VPS13C: variants seen among roughly 807,000 people sequenced by gnomAD.
The protein encoded by VPS13C is intermembrane lipid transfer protein VPS13C.
VPS13C carries 358 observed loss-of-function variants against 456.8 expected under a neutral mutation model. The ratio of observed to expected loss-of-function variants is 0.78; its 90% confidence interval spans 0.72 to 0.86. The LOEUF (loss-of-function observed/expected upper bound fraction) is 0.86, where lower values mean the gene tolerates loss of function less well. VPS13C is among the 40% of genes least tolerant of loss of function. The pLI is 0.00. For synonymous variants in VPS13C, 1,578 were observed against 1,486.7 expected (o/e 1.06, Z -1.41); for missense variants, 4,818 against 4,385.4 (o/e 1.10, Z -2.79).
chr15:61,878,571 C>T (rs376045810), intron 74 of VPS13C, 36 bp downstream of exon 74: 14 of 1,596,616 alleles, frequency 8.8e-6, no homozygotes, highest in East Asian at 2.3e-5. Context: ...GACCTTGGTA[C>T]ACCTGCTTCT....
chr15:61,991,010 A>G lies in VPS13C; in HGVS notation c.1568T>C (p.Leu523Ser), dbSNP rs768620797. ...CACTTAAATAATTACCTGCTTAGGT[A>G]AAGTTAGGTTGTGGGTACTCTCACT... ...GYSESTHNLT[L>S]PKQYVAHIMT... The change falls in exon 18 of 85, where the codon TTA becomes TCA. Residue 523 changes from leucine (L) to serine (S), a missense_variant. Transcript: ENST00000644861. The G allele has an allele frequency of 6.2e-7, 1 of 1,610,958 alleles. No individual in the cohort carries two copies. Among genetic ancestry groups the G allele is most frequent in the South Asian group, 1.1e-5 (1 of 90,528 alleles).
chr15:61,879,951 T>C (rs1895726704), intron 73 of VPS13C, among the ~76,000 whole-genome samples: 1 of 152,126 alleles, frequency 6.6e-6, no homozygotes, highest in Admixed American at 6.6e-5. Context: ...AAACAGTTTT[T>C]GAGAATGTAA....
chr15:61,927,143 T>C lies in VPS13C; in HGVS notation c.6464A>G (p.Lys2155Arg). Residue 2155 changes from lysine to arginine, a missense_variant, in exon 52 of 85, where the codon AAA (lysine) becomes AGA (arginine). This residue lies in a region of VPS13C where 4,552 missense variants were observed against 4,130.6 expected (regional missense o/e 1.10). Coordinates refer to ENST00000644861, the MANE Select transcript of VPS13C (RefSeq NM_020821.3). ...QMMEASVRDL[K>R]VLACPFLREK... Reference sequence around the variant, plus strand: ...TCTGAGAAAAGGGCAAGCGAGCACTTTCAGATCTCTCACAGAAGCTTCCAT... The same window carrying C: ...TCTGAGAAAAGGGCAAGCGAGCACTCTCAGATCTCTCACAGAAGCTTCCAT... 1 of 1,614,208 alleles carries C rather than the reference T, an allele frequency of 6.2e-7. No individual in the cohort carries two copies. Among genetic ancestry groups the C allele is most frequent in the Non-Finnish European group, 8.5e-7 (1 of 1,180,026 alleles).
At chr15:61,944,748 C>A (rs1050473931) in intron 45 of VPS13C, among the ~76,000 whole-genome samples, 1 of 152,052 alleles carries the variant, frequency 6.6e-6, no homozygotes, top group African/African-American at 2.4e-5. Flanking sequence ...AGCAAGCCTG[C>A]CCATGTATGC....
intron 20 of VPS13C, among the ~76,000 whole-genome samples, chr15:61,982,879 A>G (rs111578686): frequency 6.6e-6 from 1 of 152,202 alleles, no homozygotes; most frequent in Non-Finnish European, 1.5e-5. Flanking sequence ...CAGAAGATGA[A>G]ACAGTACTTC....
At chr15:61,972,274 A>G (rs372321553) in intron 27 of VPS13C, among the ~76,000 whole-genome samples, 2 of 152,214 alleles carry the variant, frequency 1.3e-5, no homozygotes, top group African/African-American at 4.8e-5. Flanking sequence ...ATAATGAGCA[A>G]TATTATTTAG....
In VPS13C at chr15:61,969,463, T is replaced by C. The variant is rs1295470596; in HGVS notation, c.2758-11A>G. Reference sequence around the variant, plus strand: ...AAATTCCAAAATCACCTAAAAGAATTAGAGTCAATGAAAAGTTGATAAGAA... The same window carrying C: ...AAATTCCAAAATCACCTAAAAGAATCAGAGTCAATGAAAAGTTGATAAGAA... On this transcript the variant is annotated splice_polypyrimidine_tract_variant and intron_variant, in intron 27 of 84. Coordinates refer to ENST00000644861, the MANE Select transcript of VPS13C (RefSeq NM_020821.3). 3.3e-6 allele frequency: 5 copies of C among 1,495,140 alleles called. No individual in the cohort carries two copies. Among genetic ancestry groups the C allele is most frequent in the Non-Finnish European group, 4.5e-6 (5 of 1,115,504 alleles). The allele number at this position is 1,495,140 out of a possible 1,614,324, so 92.6% of individuals were successfully genotyped here. A position where few individuals can be genotyped will look rare whatever the true frequency, so the allele number is the denominator to read the frequency against.
chr15:62,034,331 A>G (rs2047914233), intron 4 of VPS13C, among the ~76,000 whole-genome samples: 1 of 151,728 alleles, frequency 6.6e-6, no homozygotes, highest in South Asian at 2.1e-4. Flanking sequence ...AGCAAAATGT[A>G]AAAATAAAAA....
intron 3 of VPS13C, among the ~76,000 whole-genome samples, chr15:62,038,576 G>A (rs1231988158): frequency 6.6e-6 from 1 of 152,120 alleles, no homozygotes; most frequent in Non-Finnish European, 1.5e-5. Context: ...AACAGAGCAA[G>A]ACTTTGTCTC....
chr15:61,861,412 A>G (rs8035017), intron 82 of VPS13C, among the ~76,000 whole-genome samples: 1,620 of 152,306 alleles, frequency 0.011, 35 homozygotes, highest in African/African-American at 0.037. Flanking sequence ...TTTTCTTACT[A>G]TAAGGGCAAA....
At chr15:61,894,961 T>C (rs536759941) in intron 66 of VPS13C, among the ~76,000 whole-genome samples, 1 of 152,308 alleles carries the variant, frequency 6.6e-6, no homozygotes, top group Admixed American at 6.5e-5. Flanking sequence ...ACATGGCCCA[T>C]ATGGTAGGCC....
intron 24 of VPS13C, among the ~76,000 whole-genome samples, chr15:61,976,119 T>C (rs943568641): frequency 6.6e-6 from 1 of 152,094 alleles, no homozygotes; most frequent in African/African-American, 2.4e-5. Context: ...TGTGTCATCA[T>C]GTTGACTCTC....
chr15:61,895,828 G>A (rs2042792607), intron 66 of VPS13C, among the ~76,000 whole-genome samples: 1 of 152,106 alleles, frequency 6.6e-6, no homozygotes, highest in Admixed American at 6.5e-5. Flanking sequence ...GGCGGATAGG[G>A]AAAGATTTCT....
Position 61,961,778 on chromosome 15 carries a change from G to A in VPS13C, c.3719C>T (p.Ser1240Phe), listed in dbSNP as rs746292488. The A allele has an allele frequency of 9.3e-6, 15 of 1,613,926 alleles. No individual in the cohort carries two copies. Among genetic ancestry groups the A allele is most frequent in the African/African-American group, 2.7e-5 (2 of 74,900 alleles). Reference sequence around the variant, plus strand: ...CGGTGCTTTCAAATCAATATTGATGGAAACACGAAAACTCCTCTGGGCAAG... The same window carrying A: ...CGGTGCTTTCAAATCAATATTGATGAAAACACGAAAACTCCTCTGGGCAAG... ...KDLAQRSFRV[S>F]INIDLKAPVI... The change falls in exon 35 of 85, where the codon TCC becomes TTC. Residue 1240 changes from serine to phenylalanine, a missense_variant. Ser to Phe is a radical substitution (Grantham distance 155). Coordinates refer to ENST00000644861, the MANE Select transcript of VPS13C (RefSeq NM_020821.3).
intron 31 of VPS13C, 104 bp downstream of exon 31, chr15:61,964,595 A>G: frequency 9.0e-7 from 1 of 1,109,146 alleles, no homozygotes; most frequent in Non-Finnish European, 1.3e-6. Flanking sequence ...GAAAAGGGGA[A>G]AATGGTATTT....
chr15:62,023,952 A>T (rs1156653178), intron 6 of VPS13C, 107 bp from the exon 7 acceptor site: 1 of 861,492 alleles, frequency 1.2e-6, no homozygotes, highest in Non-Finnish European at 1.8e-6. Context: ...ATTTTGGCAC[A>T]ACTCACCTTA....
At chr15:62,014,239 G>C (rs569140378) in intron 9 of VPS13C, among the ~76,000 whole-genome samples, 8 of 152,156 alleles carry the variant, frequency 5.3e-5, no homozygotes, top group African/African-American at 1.9e-4. Context: ...ATATGTATTT[G>C]AACTGTGGAA....
Position 61,911,981 on chromosome 15 carries a change from G to A in VPS13C, c.8574C>T (p.Ser2858=), listed in dbSNP as rs1596322324. The A allele has an allele frequency of 6.2e-7, 1 of 1,603,412 alleles. No homozygotes were observed. Among genetic ancestry groups the A allele is most frequent in the East Asian group, 2.2e-5 (1 of 44,534 alleles). ...EYLVGVSIKM[S]SFNLSRIVTL... ...TAACTATTCGTGAAAGGTTGAAACT[G>A]CTCATTTTGATGCTAACACCAACCT... Residue 2858 remains serine (S), a synonymous_variant, in exon 63 of 85, where the codon AGC becomes AGT. Transcript: ENST00000644861.
chr15:61,950,848 GA>G, intron 40 of VPS13C, 96 bp downstream of exon 40: 2 of 852,338 alleles, frequency 2.3e-6, no homozygotes, highest in Non-Finnish European at 1.7e-6. Context: ...AGTTTAGGTA[GA>G]AAAATGTTGG....
Sources: allele counts gnomAD v4.1 joint callset (sites outside exome capture counted in the v4.1 genomes callset), GRCh38; gene constraint gnomAD v4.1.1; regional missense constraint gnomAD v4.1.1; transcripts MANE v1.5; gene names NCBI Gene and HGNC (gene_info 2026-07-23, HGNC 2026-07-21).